LAMA3: variants seen among roughly 807,000 people sequenced by gnomAD.
LAMA3 encodes the protein laminin subunit alpha-3.
In LAMA3, 281 loss-of-function variants were observed where a neutral mutation model predicts 402.0. That is an observed-to-expected ratio of 0.70 (90% CI 0.63 to 0.77). The LOEUF is 0.77. Ranked by LOEUF, LAMA3 falls within the 30% of genes least tolerant of loss-of-function variation. LAMA3 has a pLI of 0.00. For missense variants in LAMA3, 3,840 were observed against 4,215.5 expected, an observed-to-expected ratio of 0.91 and a Z score of 2.47; for synonymous variants, 1,431 against 1,558.4, an observed-to-expected ratio of 0.92 and a Z score of 1.93.
chr18:23,891,591 T>G (rs962216252), intron 42 of LAMA3, among the ~76,000 whole-genome samples: 5 of 152,108 alleles, frequency 3.3e-5, no homozygotes, highest in African/African-American at 1.2e-4. Flanking sequence ...GCCTCAACAG[T>G]CTAGAATGAT....
rs773947983 is a variant in LAMA3, at chr18:23,950,124, G to A, written c.9607G>A (p.Gly3203Arg). 1.1e-5 allele frequency: 18 copies of A among 1,613,950 alleles called. No individual in the cohort carries two copies. Among genetic ancestry groups the A allele is most frequent in the Non-Finnish European group, 1.5e-5 (18 of 1,180,008 alleles). Residue 3203 changes from glycine (G) to arginine (R), a missense_variant, in exon 72 of 75, where the codon GGG (glycine) becomes AGG (arginine). By Grantham distance (125) the Gly-to-Arg change is moderately radical. Coordinates refer to ENST00000313654, the MANE Select transcript of LAMA3 (RefSeq NM_198129.4). The stretch of plus-strand genomic sequence containing the variant: ...CCTAATACACATCGGAAGTCAGCCC[G>A]GGAAGCACTTATGTGTTTACCTGGA... ...GILIHIGSQP[G>R]KHLCVYLEAG...
chr18:23,749,381 A>C (rs772230074), intron 3 of LAMA3, 47 bp from the exon 4 acceptor site: 3 of 1,002,540 alleles, frequency 3.0e-6, no homozygotes, highest in Admixed American at 4.0e-5. Context: ...GATTTGCAAC[A>C]AAATGATAAT....
intron 67 of LAMA3, 124 bp downstream of exon 67, chr18:23,934,059 T>C (rs1376110306): frequency 6.7e-6 from 6 of 894,324 alleles, no homozygotes; most frequent in Non-Finnish European, 1.1e-5. Flanking sequence ...ATTGATGCAT[T>C]ATCAACAGTT....
chr18:23,756,488 C>CAACCCA (rs905314311), intron 6 of LAMA3, among the ~76,000 whole-genome samples: 8 of 133,796 alleles, frequency 6.0e-5, no homozygotes, highest in Non-Finnish European at 9.4e-5. Flanking sequence ...AAAAACCCCA[C>CAACCCA]AACCCAAACC....
chr18:23,717,685 T>C (rs1164641819), intron 2 of LAMA3, among the ~76,000 whole-genome samples: 1 of 148,960 alleles, frequency 6.7e-6, no homozygotes, highest in Non-Finnish European at 1.5e-5. Flanking sequence ...CCCAAATAGC[T>C]GGGATTACAG....
chr18:23,806,325 T>A (rs529536267), intron 12 of LAMA3, among the ~76,000 whole-genome samples: 7 of 152,264 alleles, frequency 4.6e-5, no homozygotes, highest in Non-Finnish European at 1.0e-4. Context: ...ATTGGAAAAA[T>A]CATTTAGTTC....
chr18:23,814,517 T>C lies in LAMA3; in HGVS notation c.1888+15T>C. 6.7e-7 allele frequency: 1 copy of C among 1,485,284 alleles called. No individual in the cohort carries two copies. Among genetic ancestry groups the C allele is most frequent in the Non-Finnish European group, 9.4e-7 (1 of 1,062,984 alleles). 92.0% of individuals were successfully genotyped at this position (1,485,284 alleles called of 1,614,324 possible). ...TGGATGTTCAGGTAGGTTTCTTATA[T>C]GTCATAATTTACTATATTATAATGT... is the stretch of plus-strand genomic sequence containing the variant. On this transcript the variant is annotated intron_variant, in intron 15 of 74. Transcript: ENST00000313654.
chr18:23,880,508 A>G (rs1030447674), intron 39 of LAMA3, among the ~76,000 whole-genome samples: 1 of 152,224 alleles, frequency 6.6e-6, no homozygotes, highest in Non-Finnish European at 1.5e-5. Context: ...AACCTTTTTC[A>G]TTATGAACAA....
At chr18:23,915,202 A>G (rs1599085258) in intron 58 of LAMA3, 87 bp from the exon 59 acceptor site, 2 of 1,419,734 alleles carry the variant, frequency 1.4e-6, no homozygotes, top group African/African-American at 1.4e-5. Flanking sequence ...CCCTTATGCC[A>G]TAGTGACTGT....
intron 1 of LAMA3, among the ~76,000 whole-genome samples, chr18:23,705,628 A>G (rs1167379793): frequency 6.6e-6 from 1 of 151,946 alleles, no homozygotes; most frequent in Non-Finnish European, 1.5e-5. Flanking sequence ...AGGCTCAGGT[A>G]ATCCTTCCAC....
chr18:23,847,728 AC>A, intron 32 of LAMA3, 60 bp downstream of exon 32: 1 of 1,517,046 alleles, frequency 6.6e-7, no homozygotes, highest in Non-Finnish European at 9.0e-7. Flanking sequence ...CCATCTGCCC[AC>A]ACACTGGTCA....
intron 54 of LAMA3, 109 bp downstream of exon 54, chr18:23,908,044 T>G: frequency 9.6e-7 from 1 of 1,036,666 alleles, no homozygotes; most frequent in Non-Finnish European, 1.5e-6. Context: ...AACTAAAACA[T>G]TAGAAAACAG....
chr18:23,800,122 T>G (rs1382912058), intron 12 of LAMA3, among the ~76,000 whole-genome samples: 1 of 152,254 alleles, frequency 6.6e-6, no homozygotes, highest in Non-Finnish European at 1.5e-5. Context: ...ACACTAGTTC[T>G]TGCCTCGCCA....
intron 2 of LAMA3, among the ~76,000 whole-genome samples, chr18:23,742,195 C>T (rs933446708): frequency 6.6e-6 from 1 of 152,152 alleles, no homozygotes; most frequent in Non-Finnish European, 1.5e-5. Context: ...GACTGTGGGA[C>T]GTTCTGTGAT....
chr18:23,872,821 G>T, intron 38 of LAMA3: 1 of 565,526 alleles, frequency 1.8e-6, no homozygotes, highest in Non-Finnish European at 3.2e-6. Context: ...GGAAGGTGAT[G>T]CCCGCCCCAC....
intron 2 of LAMA3, among the ~76,000 whole-genome samples, chr18:23,721,658 C>G (rs1182286420): frequency 6.6e-6 from 1 of 152,132 alleles, no homozygotes; most frequent in Non-Finnish European, 1.5e-5. Context: ...CCCCACTTAC[C>G]ATTTAGTAAA....
In LAMA3 at chr18:23,876,379, A is replaced by G. The variant is rs2064713605; in HGVS notation, c.5084A>G (p.Gln1695Arg). ...VPCNCNGHSN[Q>R]CQDGSGICVN... ...TGCAATTGCAACGGACATTCAAATC[A>G]ATGCCAGGATGGCTCAGGCATATGT... The change falls in exon 39 of 75, where the codon CAA becomes CGA. Residue 1695 changes from glutamine (Q) to arginine (R), a missense_variant. Gln to Arg is a conservative substitution (Grantham distance 43). Transcript: ENST00000313654. The G allele has an allele frequency of 6.2e-7, 1 of 1,613,490 alleles. No homozygotes were observed. Among genetic ancestry groups the G allele is most frequent in the South Asian group, 1.1e-5 (1 of 91,076 alleles).
At chr18:23,740,894 T>C (rs2061550667) in intron 2 of LAMA3, among the ~76,000 whole-genome samples, 1 of 151,984 alleles carries the variant, frequency 6.6e-6, no homozygotes, top group Non-Finnish European at 1.5e-5. Context: ...GGTGAGCAGG[T>C]ACTTCTGGGA....
chr18:23,847,365 C>T, intron 31 of LAMA3, 99 bp from the exon 32 acceptor site: 1 of 1,260,424 alleles, frequency 7.9e-7, no homozygotes, highest in Non-Finnish European at 1.1e-6. Flanking sequence ...TTCTCTCTGA[C>T]CCTTTGGAGG....
Sources: gnomAD v4.1 joint callset for allele counts (sites outside exome capture counted in the v4.1 genomes callset) on GRCh38, gnomAD v4.1.1 for gene constraint, MANE v1.5 for transcripts, NCBI Gene and HGNC (gene_info 2026-07-23, HGNC 2026-07-21) for gene names.